The following ATP7A variants were observed in gnomAD, a reference collection of about 807,000 sequenced individuals.
The protein encoded by ATP7A is copper-transporting ATPase 1.
Under a neutral mutation model 83.5 loss-of-function variants are expected in ATP7A, and 7 were observed. The ratio of observed to expected loss-of-function variants is 0.08; its 90% CI spans 0.05 to 0.16. The LOEUF (loss-of-function observed/expected upper bound fraction) is 0.16, where lower values mean the gene tolerates loss of function less well. Among genes scored for constraint, ATP7A ranks in the 10% least tolerant of loss-of-function variants. The pLI is 1.00. For synonymous variants in ATP7A, 354 were observed against 395.2 expected (o/e 0.90, Z 1.24); for missense variants, 940 against 1,120.8 (o/e 0.84, Z 2.30).
chrX:78,038,754 G>T, intron 17 of ATP7A, 82 bp from the exon 18 acceptor site: 1 of 1,072,651 alleles, frequency 9.3e-7, no homozygotes, highest in Non-Finnish European at 1.3e-6. Flanking sequence ...ACTGTGCAAG[G>T]TTAGACAGGA....
chrX:77,939,663 C>T (rs1349807590), intron 1 of ATP7A, among the ~76,000 whole-genome samples: 2 of 110,266 alleles, frequency 1.8e-5, no homozygotes, highest in South Asian at 3.8e-4. Context: ...CTTGAAACAT[C>T]CACTCTAATT....
chrX:78,004,659 G>A (rs545172263), intron 6 of ATP7A, among the ~76,000 whole-genome samples: 12 of 110,826 alleles, frequency 1.1e-4, no homozygotes, highest in African/African-American at 3.9e-4. Flanking sequence ...GAGGTGGGTA[G>A]ATCACTTGAG....
In ATP7A at chrX:77,954,902, G is replaced by A. The variant is rs192889088; in HGVS notation, c.-21-16719G>A. 4.8e-3 allele frequency among the ~76,000 whole-genome samples: 533 copies of A among 111,261 alleles called. 14 individuals carry two copies. In the Admixed American group the frequency reaches 0.048, roughly 10 times the overall value. The stretch of plus-strand genomic sequence containing the variant: ...TACTTATTGAATTATTTCAGTTTCA[G>A]TAACTTTTCTCTTAATTTCTACGTA... On this transcript the variant is annotated intron_variant, in intron 1 of 22. Coordinates refer to ENST00000341514, the MANE Select transcript of ATP7A (RefSeq NM_000052.7).
chrX:77,927,355 C>A (rs1041750781), intron 1 of ATP7A, among the ~76,000 whole-genome samples: 19 of 111,614 alleles, frequency 1.7e-4, no homozygotes, highest in African/African-American at 5.9e-4. Flanking sequence ...ATTTATACAA[C>A]ATTTTAATAG....
intron 21 of ATP7A, 129 bp from the exon 22 acceptor site, chrX:78,045,341 A>C (rs1557238964): frequency 1.6e-6 from 1 of 636,371 alleles, no homozygotes; most frequent in African/African-American, 2.2e-5. Flanking sequence ...CAACAACAAA[A>C]ATCTCTACCA....
At position 78,031,453 on chromosome X, in the gene ATP7A, G is replaced by A. The variant is rs201233979; in HGVS notation, c.3165G>A (p.Val1055=). ...KTGTITHGTP[V]VNQVKVLTES... ...GAACCATTACTCACGGAACCCCAGT[G>A]GTGAATCAAGTAAAGGTTCTAACTG... The change falls in exon 16 of 23, where the codon GTG becomes GTA. Residue 1055 remains valine, a synonymous_variant. Coordinates refer to ENST00000341514, the MANE Select transcript of ATP7A (RefSeq NM_000052.7). 8.3e-7 allele frequency: 1 copy of A among 1,209,212 alleles called. No homozygotes were observed.
At chrX:77,967,753 A>G (rs945269915) in intron 1 of ATP7A, among the ~76,000 whole-genome samples, 2 of 111,827 alleles carry the variant, frequency 1.8e-5, no homozygotes, top group Non-Finnish European at 3.8e-5. Flanking sequence ...AAAAGAATGC[A>G]TATGTCTTAG....
At chrX:77,942,469 G>A (rs2077356756) in intron 1 of ATP7A, among the ~76,000 whole-genome samples, 1 of 109,542 alleles carries the variant, frequency 9.1e-6, no homozygotes, top group African/African-American at 3.3e-5. Context: ...TAGGGGAGCG[G>A]ACAGCATCTA....
chrX:78,011,079 A>ATTGAACTG (rs2077820274), intron 7 of ATP7A, 97 bp from the exon 8 acceptor site: 1 of 752,188 alleles, frequency 1.3e-6, no homozygotes, highest in African/African-American at 2.1e-5. Flanking sequence ...GCCCTCAGTA[A>ATTGAACTG]TTGAACTGTT....
intron 1 of ATP7A, among the ~76,000 whole-genome samples, chrX:77,911,674 T>C (rs905353501): frequency 1.9e-4 from 21 of 110,476 alleles, no homozygotes; most frequent in Non-Finnish European, 3.2e-4. Context: ...GGGCGCAGTG[T>C]CTGACACACC....
chrX:78,035,331 C>T (rs1165179442), intron 17 of ATP7A, among the ~76,000 whole-genome samples: 3 of 111,882 alleles, frequency 2.7e-5, no homozygotes, highest in Non-Finnish European at 5.6e-5. Context: ...CGATTTGTGC[C>T]TGAGTGATTT....
In ATP7A at chrX:77,981,636, C is replaced by T. The variant is rs782368348; in HGVS notation, c.121-6606C>T. 1.6e-3 allele frequency among the ~76,000 whole-genome samples: 180 copies of T among 110,307 alleles called. 1 individual carries two copies. The highest frequency in any genetic ancestry group is 2.4e-3 in the Non-Finnish European group (126 of 52,764). On this transcript the variant is annotated intron_variant, in intron 2 of 22. Coordinates refer to ENST00000341514, the MANE Select transcript of ATP7A (RefSeq NM_000052.7). ...AACAGCTTGGGCAACATAGCAAGAC[C>T]TTGTCTTTTAAAAAGAAAGAGAGAA...
chrX:77,988,164 T>C, intron 2 of ATP7A, 78 bp from the exon 3 acceptor site: 1 of 1,030,054 alleles, frequency 9.7e-7, no homozygotes, highest in South Asian at 2.2e-5. Flanking sequence ...TCTTCTTGAA[T>C]GTGGTGTGAT....
At chrX:78,015,382 G>A (rs937734602) in intron 11 of ATP7A, among the ~76,000 whole-genome samples, 1 of 112,210 alleles carries the variant, frequency 8.9e-6, no homozygotes, top group Non-Finnish European at 1.9e-5. Flanking sequence ...TAAATTGGAA[G>A]ATAAAGCTAA....
At chrX:78,004,004 A>G (rs1301869456) in intron 6 of ATP7A, among the ~76,000 whole-genome samples, 2 of 111,707 alleles carry the variant, frequency 1.8e-5, no homozygotes, top group Non-Finnish European at 3.8e-5. Flanking sequence ...AAGAGCAAAA[A>G]TTTAGAACCA....
intron 1 of ATP7A, among the ~76,000 whole-genome samples, chrX:77,915,115 G>A (rs781894571): frequency 9.0e-6 from 1 of 111,566 alleles, no homozygotes; most frequent in South Asian, 3.8e-4. Flanking sequence ...AGGCGTTCGA[G>A]ACCAGCCTGG....
rs782551060 is a variant in ATP7A at position 77,916,354 on chromosome X, CA to C, written c.-22+5536del. Among the ~76,000 whole-genome samples, 283 of 32,504 alleles carry C rather than the reference CA, an allele frequency of 8.7e-3. 1 individual carries two copies. The highest frequency in any genetic ancestry group is 0.018 in the Middle Eastern group (1 of 55). 28.2% of individuals were successfully genotyped at this position (32,504 alleles called of 115,157 possible). ...TGGGTGACAGAGTGAGACCCTGTCT[CA>C]AAAAAAAAAAAAAAAAGAAAAAAAA... On this transcript the variant is annotated intron_variant, in intron 1 of 22. Transcript: ENST00000341514.
chrX:77,924,606 C>A (rs985891850), intron 1 of ATP7A: 2 of 112,019 alleles, frequency 1.8e-5, no homozygotes, highest in Non-Finnish European at 3.8e-5. Flanking sequence ...ATTTCCAGTA[C>A]ATAATTTTTC....
chrX:77,943,006 C>T (rs1226000839), intron 1 of ATP7A, among the ~76,000 whole-genome samples: 1 of 109,145 alleles, frequency 9.2e-6, no homozygotes, highest in Non-Finnish European at 1.9e-5. Flanking sequence ...TTAGTAGCAA[C>T]GGGGTTTCAC....
Sources: allele counts gnomAD v4.1 joint callset (sites outside exome capture counted in the v4.1 genomes callset), GRCh38; gene constraint gnomAD v4.1.1; transcripts MANE v1.5; gene names NCBI Gene and HGNC (gene_info 2026-07-23, HGNC 2026-07-21).